The following PALM2AKAP2 variants were observed in gnomAD, a reference collection of about 807,000 sequenced individuals.
PALM2AKAP2 encodes the protein PALM2 and AKAP2 fusion.
A neutral mutation model predicts 71.5 loss-of-function variants in PALM2AKAP2; 37 were observed. That is an observed-to-expected ratio of 0.52 (90% confidence interval 0.40 to 0.68). The LOEUF is 0.68. Among genes scored for constraint, PALM2AKAP2 ranks in the 30% least tolerant of loss-of-function variants. PALM2AKAP2 has a pLI of 0.00. For synonymous variants in PALM2AKAP2, 468 were observed against 478.8 expected (o/e 0.98, Z 0.29); for missense variants, 1,224 against 1,191.8 (o/e 1.03, Z -0.40).
chr9:110,172,359 G>A (rs1836878940), exon 4 of PALM2AKAP2: 1 of 152,450 alleles, frequency 6.6e-6, no homozygotes, highest in African/African-American at 2.4e-5. Flanking sequence ...GCAATACTGT[G>A]TTTGGAAATT....
At chr9:110,011,014 A>AAAATATATATATATAT (rs35212981) in intron 6 of PALM2AKAP2, among the ~76,000 whole-genome samples, 1 of 69,588 alleles carries the variant, frequency 1.4e-5, no homozygotes, top group African/African-American at 7.8e-5. Flanking sequence ...AAAAAAAAAA[A>AAAATATATATATATAT]ATATATATAT....
intron 3 of PALM2AKAP2, among the ~76,000 whole-genome samples, chr9:110,159,814 CACTTTATAAA>C (rs1276947752): frequency 1.3e-5 from 2 of 152,188 alleles, no homozygotes; most frequent in Non-Finnish European, 1.5e-5. Context: ...TCCAGTTTTC[CACTTTATAAA>C]AAGTCATATG....
chr9:110,153,798 TGAGAA>T (rs1296035609), intron 2 of PALM2AKAP2, among the ~76,000 whole-genome samples: 1 of 152,222 alleles, frequency 6.6e-6, no homozygotes, highest in East Asian at 1.9e-4. Flanking sequence ...ATAGCTTAAT[TGAGAA>T]GACAAAAGCT....
intron 1 of PALM2AKAP2, among the ~76,000 whole-genome samples, chr9:109,853,981 G>C (rs1829088003): frequency 6.6e-6 from 1 of 152,198 alleles, no homozygotes; most frequent in South Asian, 2.1e-4. Flanking sequence ...TAGTCTTCTA[G>C]GACTAGAGCA....
chr9:109,900,316 G>A (rs548967838), intron 3 of PALM2AKAP2, among the ~76,000 whole-genome samples: 4 of 152,204 alleles, frequency 2.6e-5, no homozygotes, highest in Non-Finnish European at 5.9e-5. Context: ...ACATCCACTT[G>A]AGTCAAAATG....
chr9:110,162,662 C>T (rs1266622200), intron 3 of PALM2AKAP2, among the ~76,000 whole-genome samples: 2 of 152,088 alleles, frequency 1.3e-5, no homozygotes, highest in African/African-American at 2.4e-5. Flanking sequence ...AATCTTTAAA[C>T]GTGTATTTTT....
At chr9:110,072,635 T>A (rs759662397) in intron 1 of PALM2AKAP2, among the ~76,000 whole-genome samples, 4 of 152,206 alleles carry the variant, frequency 2.6e-5, no homozygotes, top group Non-Finnish European at 5.9e-5. Flanking sequence ...GCTGGAGTAG[T>A]GTCTTGTTTG....
chr9:109,667,506 C>A (rs1388506648), intron 1 of PALM2AKAP2, among the ~76,000 whole-genome samples: 2 of 152,140 alleles, frequency 1.3e-5, no homozygotes, highest in East Asian at 3.9e-4. Context: ...CGAATGTAAC[C>A]CAGCTGGGCG....
intron 1 of PALM2AKAP2, among the ~76,000 whole-genome samples, chr9:109,825,692 G>A (rs886788482): frequency 2.0e-5 from 3 of 152,106 alleles, no homozygotes; most frequent in South Asian, 2.1e-4. Flanking sequence ...TAGAATGGCA[G>A]TCATTAAAAA....
At chr9:109,837,434 G>T (rs1289930626) in intron 1 of PALM2AKAP2, among the ~76,000 whole-genome samples, 2 of 152,184 alleles carry the variant, frequency 1.3e-5, no homozygotes, top group African/African-American at 4.8e-5. Context: ...ATGCCAAATT[G>T]TAAAGACCAT....
chr9:109,644,826 C>T (rs1158059311), intron 1 of PALM2AKAP2, among the ~76,000 whole-genome samples: 5 of 152,200 alleles, frequency 3.3e-5, no homozygotes, highest in Non-Finnish European at 7.3e-5. Flanking sequence ...CACCTTTGCT[C>T]CAGTTCCCAA....
At chr9:110,130,399 T>C (rs1464182468) in intron 1 of PALM2AKAP2, among the ~76,000 whole-genome samples, 1 of 152,232 alleles carries the variant, frequency 6.6e-6, no homozygotes, top group African/African-American at 2.4e-5. Flanking sequence ...TTTCCTGCAT[T>C]CTTTAGGTGG....
At chr9:109,955,100 G>A (rs529788023) in intron 6 of PALM2AKAP2, among the ~76,000 whole-genome samples, 2 of 152,204 alleles carry the variant, frequency 1.3e-5, no homozygotes, top group Admixed American at 1.3e-4. Flanking sequence ...TTGAGCATGT[G>A]ACCCCTAATC....
intron 1 of PALM2AKAP2, among the ~76,000 whole-genome samples, chr9:109,743,363 T>A (rs1261829154): frequency 6.6e-6 from 1 of 151,636 alleles, no homozygotes; most frequent in East Asian, 1.9e-4. Context: ...CAATGACGGT[T>A]AGGAGCAATA....
intron 1 of PALM2AKAP2, among the ~76,000 whole-genome samples, chr9:110,099,511 C>T (rs1834940620): frequency 6.6e-6 from 1 of 152,198 alleles, no homozygotes; most frequent in African/African-American, 2.4e-5. Flanking sequence ...AAGCTGCCAG[C>T]CCATCCATTT....
intron 2 of PALM2AKAP2, among the ~76,000 whole-genome samples, chr9:110,151,718 G>A (rs1231385131): frequency 1.3e-5 from 2 of 152,184 alleles, no homozygotes; most frequent in Admixed American, 6.5e-5. Context: ...ATATGATCAC[G>A]TTTATGAAAT....
At chr9:109,851,122 A>T (rs572213401) in intron 1 of PALM2AKAP2, among the ~76,000 whole-genome samples, 1 of 152,012 alleles carries the variant, frequency 6.6e-6, no homozygotes, top group Admixed American at 6.6e-5. Flanking sequence ...GCTTGCAGTG[A>T]GCCGAGATAG....
chr9:110,169,497 G>A (rs1438511484), exon 4 of PALM2AKAP2: 1 of 152,130 alleles, frequency 6.6e-6, no homozygotes, highest in African/African-American at 2.4e-5. Context: ...GTATTATAAA[G>A]TGGGCCTTAG....
chr9:109,914,971 T>G (rs1311585389), intron 3 of PALM2AKAP2, among the ~76,000 whole-genome samples: 1 of 152,204 alleles, frequency 6.6e-6, no homozygotes, highest in African/African-American at 2.4e-5. Context: ...TCTTTCCCCT[T>G]GGTTTTTCTA....
Sources: gnomAD v4.1 joint callset for allele counts (sites outside exome capture counted in the v4.1 genomes callset) on GRCh38, gnomAD v4.1.1 for gene constraint, MANE v1.5 for transcripts, NCBI Gene and HGNC (gene_info 2026-07-23, HGNC 2026-07-21) for gene names.